The following PTPRG variants were observed in gnomAD, a reference collection of about 807,000 sequenced individuals.
The protein encoded by PTPRG is protein tyrosine phosphatase receptor type G, also known as receptor-type tyrosine-protein phosphatase gamma.
Under a neutral mutation model 165.3 loss-of-function variants are expected in PTPRG, and 102 were observed. The ratio of observed to expected loss-of-function variants is 0.62; its 90% confidence interval spans 0.53 to 0.73. The LOEUF (loss-of-function observed/expected upper bound fraction) is 0.73, where lower values mean the gene tolerates loss of function less well. Ranked by LOEUF, PTPRG falls within the 30% of genes least tolerant of loss-of-function variation. PTPRG has a pLI of 0.00. For missense variants in PTPRG, 1,866 were observed against 1,861.4 expected, an observed-to-expected ratio of 1.00 and a Z score of -0.05; for synonymous variants, 675 against 669.5, an observed-to-expected ratio of 1.01 and a Z score of -0.13.
Position 61,806,984 on chromosome 3 carries a change from G to A in PTPRG, c.190+58002G>A, listed in dbSNP as rs375051407. On this transcript the variant is annotated intron_variant, in intron 2 of 29. Coordinates refer to ENST00000474889, the MANE Select transcript of PTPRG (RefSeq NM_002841.4). Reference sequence around the variant, plus strand: ...AGCCCTTTCATAAACAGAGAATACAGAATCATGCCTTTTATCTTGCCATTT... The same window carrying A: ...AGCCCTTTCATAAACAGAGAATACAAAATCATGCCTTTTATCTTGCCATTT... Among the ~76,000 whole-genome samples, 13 of 152,260 alleles carry A rather than the reference G, an allele frequency of 8.5e-5. No homozygotes were observed. In the East Asian group the frequency reaches 2.3e-3, roughly 27 times the overall value.
chr3:62,094,068 A>C (rs1238553293), intron 5 of PTPRG, among the ~76,000 whole-genome samples: 3 of 152,222 alleles, frequency 2.0e-5, no homozygotes, highest in African/African-American at 7.2e-5. Flanking sequence ...AAACCTGTAA[A>C]GTAGGGACTT....
chr3:62,081,289 C>CA (rs1217841614), intron 5 of PTPRG, among the ~76,000 whole-genome samples: 7 of 144,666 alleles, frequency 4.8e-5, no homozygotes, highest in African/African-American at 1.8e-4. Flanking sequence ...AACAAACAAA[C>CA]AAACAAAAAC....
chr3:61,989,847 T>G, intron 3 of PTPRG, 43 bp downstream of exon 3: 1 of 1,599,278 alleles, frequency 6.3e-7, no homozygotes, highest in South Asian at 1.1e-5. Flanking sequence ...CAACAGGAAC[T>G]ATTTTTGGAT....
At chr3:62,270,863 AG>A (rs1315110020) in intron 20 of PTPRG, among the ~76,000 whole-genome samples, 1 of 152,240 alleles carries the variant, frequency 6.6e-6, no homozygotes, top group Non-Finnish European at 1.5e-5. Context: ...TGAAAGTGAC[AG>A]GTAAATGAGA....
At chr3:61,804,679 C>CAAA (rs201093675) in intron 2 of PTPRG, among the ~76,000 whole-genome samples, 7 of 115,362 alleles carry the variant, frequency 6.1e-5, no homozygotes, top group African/African-American at 2.2e-4. Flanking sequence ...TTTCTCTCTC[C>CAAA]AAAAAAAAAA....
At chr3:62,232,480 C>T (rs557663370) in intron 14 of PTPRG, among the ~76,000 whole-genome samples, 7 of 152,260 alleles carry the variant, frequency 4.6e-5, no homozygotes, top group African/African-American at 1.4e-4. Flanking sequence ...GAGAGGAAGA[C>T]GTTGGACATC....
At chr3:61,993,945 CCT>C (rs2107702555) in intron 3 of PTPRG, among the ~76,000 whole-genome samples, 1 of 152,246 alleles carries the variant, frequency 6.6e-6, no homozygotes, top group South Asian at 2.1e-4. Context: ...GTCTTAATCC[CCT>C]GAGAGTGCTA....
Position 61,562,008 on chromosome 3 carries a change from G to C in PTPRG, c.-280G>C, listed in dbSNP as rs1225738723. Reference sequence around the variant, plus strand: ...CCGCCGGCCGCCGACTCCGCGCCCTGCCCGATCGGCTCTCTCCTTTTTAAA... The same window carrying C: ...CCGCCGGCCGCCGACTCCGCGCCCTCCCCGATCGGCTCTCTCCTTTTTAAA... On this transcript the variant is annotated 5_prime_UTR_variant, in exon 1 of 30. Transcript: ENST00000474889. The C allele has an allele frequency of 6.5e-6, 2 of 309,858 alleles. No individual in the cohort carries two copies. Among genetic ancestry groups the C allele is most frequent in the African/African-American group, 2.2e-5 (1 of 45,236 alleles). The allele number at this position is 309,858 out of a possible 1,614,324, so 19.2% of individuals were successfully genotyped here.
intron 2 of PTPRG, among the ~76,000 whole-genome samples, chr3:61,843,836 CAAAA>C (rs1334722217): frequency 6.7e-5 from 10 of 150,046 alleles, no homozygotes; most frequent in South Asian, 6.3e-4. Context: ...AAAAAAAAAA[CAAAA>C]AACCCAGTTT....
intron 2 of PTPRG, among the ~76,000 whole-genome samples, chr3:61,848,678 C>T (rs2036873875): frequency 6.6e-6 from 1 of 152,150 alleles, no homozygotes; most frequent in Admixed American, 6.6e-5. Context: ...TAAAGACTTG[C>T]TCTTCCCTAA....
intron 1 of PTPRG, among the ~76,000 whole-genome samples, chr3:61,602,450 T>C (rs2106850354): frequency 1.3e-5 from 2 of 152,290 alleles, no homozygotes; most frequent in South Asian, 4.2e-4. Context: ...CTTCTAATTT[T>C]CTCTGTGGGT....
At chr3:61,808,105 C>A (rs1575680234) in intron 2 of PTPRG, among the ~76,000 whole-genome samples, 1 of 152,264 alleles carries the variant, frequency 6.6e-6, no homozygotes, top group East Asian at 1.9e-4. Flanking sequence ...ACTCAATAGG[C>A]ATTACTGAAA....
At chr3:62,287,941 TAGAAACCACCAGTGA>T in intron 28 of PTPRG, among the ~76,000 whole-genome samples, 1 of 152,138 alleles carries the variant, frequency 6.6e-6, no homozygotes, top group African/African-American at 2.4e-5. Context: ...CCACTTACAT[TAGAAACCACCAGTGA>T]AATAACATCC....
intron 5 of PTPRG, among the ~76,000 whole-genome samples, chr3:62,126,802 A>T (rs570018948): frequency 6.6e-6 from 1 of 152,198 alleles, no homozygotes; most frequent in Non-Finnish European, 1.5e-5. Flanking sequence ...TTCCTTTGCC[A>T]TTCATCACTC....
chr3:62,166,410 C>T (rs1018743721), intron 7 of PTPRG, among the ~76,000 whole-genome samples: 2 of 151,088 alleles, frequency 1.3e-5, no homozygotes, highest in East Asian at 3.9e-4. Context: ...AATCTCGGTG[C>T]ACTGCAGCCT....
intron 2 of PTPRG, among the ~76,000 whole-genome samples, chr3:61,769,125 T>C (rs1244401855): frequency 1.3e-5 from 2 of 152,212 alleles, no homozygotes; most frequent in Admixed American, 6.5e-5. Context: ...TATGAAAATA[T>C]TTACTAGAAA....
intron 1 of PTPRG, among the ~76,000 whole-genome samples, chr3:61,671,981 G>T (rs1703015801): frequency 7.5e-6 from 1 of 134,048 alleles, no homozygotes; most frequent in Non-Finnish European, 1.6e-5. Context: ...CTGCTGGGCG[G>T]AGGGGCTCCT....
At position 61,929,653 on chromosome 3, in the gene PTPRG, T is replaced by C. The variant is rs114189819; in HGVS notation, c.191-59972T>C. 1.4e-3 allele frequency among the ~76,000 whole-genome samples: 206 copies of C among 152,330 alleles called. 1 individual carries two copies. Among genetic ancestry groups the C allele is most frequent in the African/African-American group, 4.8e-3 (200 of 41,578 alleles). ...GTGACCTGAGATGAATAGAGTGCATTTGAAAAATGAGCACAGGTTGTTTAT... is the reference window on the plus strand; with the variant it reads ...GTGACCTGAGATGAATAGAGTGCATCTGAAAAATGAGCACAGGTTGTTTAT... On this transcript the variant is annotated intron_variant, in intron 2 of 29. Coordinates refer to ENST00000474889, the MANE Select transcript of PTPRG (RefSeq NM_002841.4).
chr3:62,290,039 C>G (rs1419912531), intron 28 of PTPRG, among the ~76,000 whole-genome samples: 1 of 151,972 alleles, frequency 6.6e-6, no homozygotes, highest in African/African-American at 2.4e-5. Context: ...TACAATTTCA[C>G]CATGTGAAAA....
Sources: allele counts gnomAD v4.1 joint callset (sites outside exome capture counted in the v4.1 genomes callset), GRCh38; gene constraint gnomAD v4.1.1; transcripts MANE v1.5; gene names NCBI Gene and HGNC (gene_info 2026-07-23, HGNC 2026-07-21).